MEAK7: variants seen among roughly 807,000 people sequenced by gnomAD.
MEAK7 encodes the protein MTOR associated protein MEAK7.
A neutral mutation model predicts 40.5 loss-of-function variants in MEAK7; 68 were observed. That is an observed-to-expected ratio of 1.68 (90% CI 1.38 to 2.06). The LOEUF (loss-of-function observed/expected upper bound fraction) is 2.06, where lower values mean the gene tolerates loss of function less well. Among genes scored for constraint, MEAK7 ranks in the 30% most tolerant of loss-of-function variants. MEAK7 has a pLI of 0.00. For missense variants in MEAK7, 918 were observed against 580.5 expected (o/e 1.58, Z -5.98); for synonymous variants, 338 against 231.9 (o/e 1.46, Z -4.16).
At chr16:84,490,754 A>G (rs2150636079) in intron 3 of MEAK7, among the ~76,000 whole-genome samples, 1 of 150,374 alleles carries the variant, frequency 6.7e-6, no homozygotes, top group East Asian at 2.0e-4. Flanking sequence ...AGAAAAAAGA[A>G]GATTTATTTC....
intron 5 of MEAK7, among the ~76,000 whole-genome samples, chr16:84,483,076 G>A (rs995948592): frequency 6.6e-6 from 1 of 152,210 alleles, no homozygotes; most frequent in Admixed American, 6.5e-5. Context: ...ACTCCGCAGA[G>A]ACTGAGGCCT....
At position 84,476,432 on chromosome 16, in the gene MEAK7, T is replaced by C. The variant is rs924664159; in HGVS notation, c.*3481A>G. 6 of 152,174 alleles carry C rather than the reference T, an allele frequency of 3.9e-5. No homozygotes were observed. The highest frequency in any genetic ancestry group is 2.1e-4 in the South Asian group (1 of 4,824). The allele number at this position is 152,174 out of a possible 1,614,324, so 9.4% of individuals were successfully genotyped here. On this transcript the variant is annotated 3_prime_UTR_variant, in exon 8 of 8. Coordinates refer to ENST00000343629, the MANE Select transcript of MEAK7 (RefSeq NM_020947.4). ...GGCACCCCGGTATATTGAGTATAAA[T>C]TGAGCTCAAGAGGTTTTTTTAATTC...
At chr16:84,490,639 T>G (rs1351054694) in intron 3 of MEAK7, among the ~76,000 whole-genome samples, 1 of 133,134 alleles carries the variant, frequency 7.5e-6, no homozygotes, top group Non-Finnish European at 1.6e-5. Context: ...TCAGCTTAAT[T>G]AAAAGCTAAT....
At chr16:84,501,124 A>AC (rs1567507805) in intron 1 of MEAK7, among the ~76,000 whole-genome samples, 2 of 146,862 alleles carry the variant, frequency 1.4e-5, no homozygotes, top group Non-Finnish European at 3.0e-5. Context: ...AAAAAAAAAA[A>AC]AGAGGGGAAA....
chr16:84,486,635 A>G lies in MEAK7; in HGVS notation c.954T>C (p.Phe318=), dbSNP rs1376613740. 1 of 1,603,102 alleles carries G rather than the reference A, an allele frequency of 6.2e-7. No individual in the cohort carries two copies. Among genetic ancestry groups the G allele is most frequent in the Non-Finnish European group, 8.5e-7 (1 of 1,174,842 alleles). Residue 318 remains phenylalanine (F), a synonymous_variant, in exon 5 of 8, where the codon TTT becomes TTC. Coordinates refer to ENST00000343629, the MANE Select transcript of MEAK7 (RefSeq NM_020947.4). The part of the protein sequence containing the change: ...ASCSWEVKPQ[F]QGDNRCFLFS... ...GTTCAGGACACCAAGTCTTACCTTG[A>G]AACTGAGGCTTCACCTCCCAAGAGC...
rs146377970 is a variant in MEAK7 at position 84,478,288 on chromosome 16, T to A, written c.*1625A>T. The A allele has an allele frequency of 5.2e-4, 79 of 152,300 alleles. 2 individuals are homozygous for A. Among genetic ancestry groups the A allele is most frequent in the Admixed American group, 4.8e-3 (74 of 15,302 alleles). 9.4% of individuals were successfully genotyped at this position (152,300 alleles called of 1,614,324 possible). A position where few individuals can be genotyped will look rare whatever the true frequency, so the allele number is the denominator to read the frequency against. On this transcript the variant is annotated 3_prime_UTR_variant, in exon 8 of 8. Coordinates refer to ENST00000343629, the MANE Select transcript of MEAK7 (RefSeq NM_020947.4). The stretch of plus-strand genomic sequence containing the variant: ...AATCAGTCATGACTAAGTCCTTGTC[T>A]GCATCACGCTCCTGCCCCTCCACAC...
Position 84,496,324 on chromosome 16 carries a change from G to A in MEAK7, c.154-411C>T, listed in dbSNP as rs1179692338. ...CCTGGTCAAACCAATCCAGAGCCCT[G>A]TGCAAATCAGACATCGCCTCCTCCA... On this transcript the variant is annotated intron_variant, in intron 2 of 7. Transcript: ENST00000343629. Among the ~76,000 whole-genome samples the A allele has an allele frequency of 4.6e-5, 7 of 152,164 alleles. 1 individual carries two copies. The highest frequency in any genetic ancestry group is 3.3e-4 in the Admixed American group (5 of 15,280).
At position 84,487,023 on chromosome 16, in the gene MEAK7, T is replaced by G; in HGVS notation, c.566A>C (p.Tyr189Ser). The change falls in exon 5 of 8, where the codon TAT (tyrosine) becomes TCT (serine). Residue 189 changes from tyrosine to serine, a missense_variant. By Grantham distance (144) the Tyr-to-Ser change is moderately radical. Transcript: ENST00000343629. ...KRLLGPQWLD[Y>S]DCDRAVIEDW... is the part of the protein sequence containing the mutation. ...CTCGATCACAGCTCGGTCACAGTCA[T>G]AGTCCAGCCACTGGGGCCCCAGAAG... The G allele has an allele frequency of 6.2e-7, 1 of 1,613,652 alleles. No homozygotes were observed.
intron 7 of MEAK7, among the ~76,000 whole-genome samples, 191 bp from the exon 8 acceptor site, chr16:84,480,217 G>C (rs1398090939): frequency 3.9e-5 from 6 of 152,146 alleles, no homozygotes; most frequent in Non-Finnish European, 8.8e-5. Context: ...AGCAACTCAG[G>C]TGCAGAACCA....
In MEAK7 at chr16:84,491,821, C is replaced by T. The variant is rs144625697; in HGVS notation, c.385-2399G>A. On this transcript the variant is annotated intron_variant, in intron 3 of 7. Coordinates refer to ENST00000343629, the MANE Select transcript of MEAK7 (RefSeq NM_020947.4). ...CACTGCACTCCAGCCTCGGTGAAGG[C>T]GCAAGACTCCGTCTCAAAAAAAAAA... Among the ~76,000 whole-genome samples the T allele has an allele frequency of 2.6e-3, 367 of 143,026 alleles. 2 individuals carry two copies. Among genetic ancestry groups the T allele is most frequent in the African/African-American group, 9.0e-3 (346 of 38,256 alleles). The allele number at this position is 143,026 out of a possible 152,430, so 93.8% of individuals were successfully genotyped here.
At chr16:84,483,920 G>C (rs1448907483) in intron 5 of MEAK7, among the ~76,000 whole-genome samples, 3 of 152,196 alleles carry the variant, frequency 2.0e-5, no homozygotes, top group Admixed American at 6.5e-5. Context: ...AACCAGCTAA[G>C]TGAAGGGCTT....
intron 6 of MEAK7, 80 bp downstream of exon 6, chr16:84,482,512 T>C (rs1453223769): frequency 6.2e-7 from 1 of 1,608,000 alleles, no homozygotes. Flanking sequence ...TGCCCTGATC[T>C]GTGGAGCTGA....
chr16:84,498,313 G>C (rs1914224457), intron 1 of MEAK7, among the ~76,000 whole-genome samples: 1 of 152,106 alleles, frequency 6.6e-6, no homozygotes, highest in Non-Finnish European at 1.5e-5. Context: ...CTGCTGACCA[G>C]GCTGGAGTGC....
At chr16:84,491,103 C>T (rs1330939848) in intron 3 of MEAK7, among the ~76,000 whole-genome samples, 4 of 152,148 alleles carry the variant, frequency 2.6e-5, no homozygotes, top group Non-Finnish European at 5.9e-5. Flanking sequence ...TTTAGCTACA[C>T]TGACAGAAAA....
At chr16:84,485,648 A>ATCCG (rs1159454962) in intron 5 of MEAK7, among the ~76,000 whole-genome samples, 3 of 148,210 alleles carry the variant, frequency 2.0e-5, no homozygotes, top group Non-Finnish European at 4.5e-5. Flanking sequence ...CTATCCATCC[A>ATCCG]TCCATCCATC....
rs1383246472 is a variant in MEAK7 at position 84,479,993 on chromosome 16, G to T, written c.1291C>A (p.Pro431Thr). The T allele has an allele frequency of 1.6e-5, 25 of 1,609,056 alleles. No homozygotes were observed. Among genetic ancestry groups the T allele is most frequent in the Non-Finnish European group, 2.0e-5 (23 of 1,176,658 alleles). The change falls in exon 8 of 8, where the codon CCT becomes ACT. Residue 431 changes from proline to threonine, a missense_variant. Physicochemically the swap from Pro to Thr is conservative, Grantham distance 38 (BLOSUM62 -1). Coordinates refer to ENST00000343629, the MANE Select transcript of MEAK7 (RefSeq NM_020947.4). ...KGNKSILDAD[P>T]EAQALLEISG... is the part of the protein sequence containing the mutation. Reference sequence around the variant, plus strand: ...ATCTCCAGCAGGGCCTGGGCCTCAGGGTCCGCATCCAGGATGCTCTTGTTG... The same window carrying T: ...ATCTCCAGCAGGGCCTGGGCCTCAGTGTCCGCATCCAGGATGCTCTTGTTG...
chr16:84,501,325 G>A (rs951041177), intron 1 of MEAK7, among the ~76,000 whole-genome samples: 2 of 151,864 alleles, frequency 1.3e-5, no homozygotes, highest in African/African-American at 4.8e-5. Flanking sequence ...TGGAACTCAG[G>A]GCACGTGGGG....
chr16:84,476,444 G>A lies in MEAK7; in HGVS notation c.*3469C>T, dbSNP rs980036185. 1 of 152,062 alleles carries A rather than the reference G, an allele frequency of 6.6e-6. No individual in the cohort carries two copies. Among genetic ancestry groups the A allele is most frequent in the African/African-American group, 2.4e-5 (1 of 41,400 alleles). The allele number at this position is 152,062 out of a possible 1,614,324, so 9.4% of individuals were successfully genotyped here. ...TATTGAGTATAAATTGAGCTCAAGA[G>A]GTTTTTTTAATTCATCTATATCTAA... On this transcript the variant is annotated 3_prime_UTR_variant, in exon 8 of 8. Transcript: ENST00000343629.
At chr16:84,485,369 A>G (rs78890720) in intron 5 of MEAK7, among the ~76,000 whole-genome samples, 6,494 of 152,336 alleles carry the variant, frequency 0.043, 408 homozygotes, top group East Asian at 0.32. Flanking sequence ...CCCAACCCTC[A>G]ACCTGGTGAC....
Sources: gnomAD v4.1 joint callset for allele counts (sites outside exome capture counted in the v4.1 genomes callset) on GRCh38, gnomAD v4.1.1 for gene constraint, MANE v1.5 for transcripts, NCBI Gene and HGNC (gene_info 2026-07-23, HGNC 2026-07-21) for gene names.